Variants in CNTN1 observed in about 807,000 individuals in gnomAD.
CNTN1 encodes the protein contactin-1.
CNTN1 carries 38 observed loss-of-function variants against 126.4 expected under a neutral mutation model. That is an observed-to-expected ratio of 0.30 (90% CI 0.23 to 0.39). The LOEUF (loss-of-function observed/expected upper bound fraction) is 0.39, where lower values mean the gene tolerates loss of function less well. Among genes scored for constraint, CNTN1 ranks in the 10% least tolerant of loss-of-function variants. The pLI is 1.00. For missense variants in CNTN1, 1,009 were observed against 1,248.4 expected (o/e 0.81, Z 2.89); for synonymous variants, 413 against 422.6 (o/e 0.98, Z 0.28).
intron 23 of CNTN1, among the ~76,000 whole-genome samples, chr12:41,046,934 T>C (rs537005385): frequency 1.3e-4 from 20 of 151,254 alleles, no homozygotes; most frequent in African/African-American, 4.9e-4. Context: ...ACGGTTCATA[T>C]TGAAAACAAC....
At chr12:40,922,196 C>T in intron 4 of CNTN1, 60 bp from the exon 5 acceptor site, 1 of 1,432,812 alleles carries the variant, frequency 7.0e-7, no homozygotes, top group East Asian at 2.3e-5. Flanking sequence ...ACTGTGTTAG[C>T]TCCGTAGAGT....
chr12:40,827,073 CATCCTAGTATTTTTGCAA>C (rs1392742734), intron 1 of CNTN1, among the ~76,000 whole-genome samples: 3 of 152,124 alleles, frequency 2.0e-5, no homozygotes, highest in African/African-American at 7.2e-5. Context: ...ATGAATCTCC[CATCCTAGTATTTTTGCAA>C]ATACTGTTAC....
intron 1 of CNTN1, among the ~76,000 whole-genome samples, chr12:40,694,837 T>G (rs1941408824): frequency 6.6e-6 from 1 of 152,216 alleles, no homozygotes; most frequent in African/African-American, 2.4e-5. Context: ...AGGAATTTTA[T>G]AGCATTGAAA....
intron 1 of CNTN1, among the ~76,000 whole-genome samples, chr12:40,792,721 T>G (rs1940265964): frequency 6.6e-6 from 1 of 152,126 alleles, no homozygotes; most frequent in Admixed American, 6.6e-5. Context: ...TTTGTGGGTC[T>G]TTTTAGTTTT....
At chr12:40,858,456 C>T (rs140140836) in intron 1 of CNTN1, among the ~76,000 whole-genome samples, 1,880 of 152,180 alleles carry the variant, frequency 0.012, 42 homozygotes, top group African/African-American at 0.042. Flanking sequence ...TACCATCTCA[C>T]GCCAGTCAGA....
chr12:40,806,724 G>A (rs1584097), intron 1 of CNTN1, among the ~76,000 whole-genome samples: 81,071 of 151,476 alleles, frequency 0.54, 22,223 homozygotes, highest in East Asian at 0.76. Flanking sequence ...TAAAATTTTA[G>A]CTCATTAAGT....
In CNTN1 at chr12:40,697,856, A is replaced by G. The variant is rs559915239; in HGVS notation, c.-77+5264A>G. Among the ~76,000 whole-genome samples, 80 of 152,332 alleles carry G rather than the reference A, an allele frequency of 5.3e-4. 2 individuals are homozygous for G. In the South Asian group the frequency reaches 0.016, roughly 30 times the overall value. Reference sequence around the variant, plus strand: ...CTATTGTCCATTTTAAAAGAGCCACAGGGCAGAATGCACTATGGAAGATAT... The same window carrying G: ...CTATTGTCCATTTTAAAAGAGCCACGGGGCAGAATGCACTATGGAAGATAT... On this transcript the variant is annotated intron_variant, in intron 1 of 23. Transcript: ENST00000551295.
At chr12:40,961,297 T>G (rs1947099486) in intron 15 of CNTN1, among the ~76,000 whole-genome samples, 1 of 151,992 alleles carries the variant, frequency 6.6e-6, no homozygotes, top group South Asian at 2.1e-4. Context: ...CCATTTCATA[T>G]CAAAAGAAAT....
At chr12:40,926,684 G>A (rs1416997063) in intron 6 of CNTN1, among the ~76,000 whole-genome samples, 4 of 151,978 alleles carry the variant, frequency 2.6e-5, no homozygotes, top group Non-Finnish European at 5.9e-5. Context: ...AGTTTAGGTA[G>A]CATATGATGG....
chr12:40,789,315 C>T (rs1272118971), intron 1 of CNTN1, among the ~76,000 whole-genome samples: 1 of 152,120 alleles, frequency 6.6e-6, no homozygotes, highest in East Asian at 1.9e-4. Flanking sequence ...TTTTCTTGAA[C>T]ACTTGAAATA....
At position 41,004,842 on chromosome 12, in the gene CNTN1, T is replaced by G. The variant is rs558248550; in HGVS notation, c.2114-9386T>G. ...TGAGTGTCATTGCATGTGAGATGGA[T>G]CTCTTGAAGACAACATACCAATGGG... On this transcript the variant is annotated intron_variant, in intron 17 of 23. Transcript: ENST00000551295. Among the ~76,000 whole-genome samples, 5 of 152,340 alleles carry G rather than the reference T, an allele frequency of 3.3e-5. No homozygotes were observed. The East Asian group carries it at 9.6e-4, about 29-fold the overall frequency.
chr12:40,749,899 T>C (rs969814203), intron 1 of CNTN1, among the ~76,000 whole-genome samples: 2 of 152,044 alleles, frequency 1.3e-5, no homozygotes, highest in African/African-American at 4.8e-5. Context: ...TTCACTATTT[T>C]ACGTATGTGG....
intron 1 of CNTN1, among the ~76,000 whole-genome samples, chr12:40,753,358 A>AAT (rs1938475713): frequency 1.3e-5 from 2 of 152,234 alleles, no homozygotes; most frequent in South Asian, 4.1e-4. Flanking sequence ...TTATTCTCCT[A>AAT]TCTTATCATT....
At chr12:40,804,770 G>T (rs1306283223) in intron 1 of CNTN1, among the ~76,000 whole-genome samples, 1 of 151,898 alleles carries the variant, frequency 6.6e-6, no homozygotes, top group Admixed American at 6.6e-5. Context: ...TTTCTCTCCA[G>T]CATCACATTC....
chr12:40,985,451 TAA>T (rs1179464008), intron 16 of CNTN1, among the ~76,000 whole-genome samples: 2 of 152,162 alleles, frequency 1.3e-5, no homozygotes, highest in African/African-American at 4.8e-5. Context: ...AAAATGTCTT[TAA>T]TTTCATCTTT....
At chr12:40,728,732 A>T (rs1942420330) in intron 1 of CNTN1, 1 of 152,160 alleles carries the variant, frequency 6.6e-6, no homozygotes, top group Non-Finnish European at 1.5e-5. Flanking sequence ...AACAGAGATT[A>T]AAAAGTACAT....
intron 15 of CNTN1, 68 bp downstream of exon 15, chr12:40,959,302 T>C: frequency 6.6e-7 from 1 of 1,524,016 alleles, no homozygotes; most frequent in Non-Finnish European, 9.1e-7. Flanking sequence ...TGTATAATCT[T>C]CTGGTAACTC....
chr12:40,830,936 C>CATAT (rs10592424), intron 1 of CNTN1, among the ~76,000 whole-genome samples: 30 of 66,094 alleles, frequency 4.5e-4, no homozygotes, highest in South Asian at 1.2e-3. Context: ...TATACATATA[C>CATAT]ATATATATAT....
chr12:40,887,707 A>C (rs925226075), intron 1 of CNTN1, among the ~76,000 whole-genome samples: 1 of 152,010 alleles, frequency 6.6e-6, no homozygotes, highest in South Asian at 2.1e-4. Context: ...ATAAAGACAC[A>C]TGCACACGTA....
Sources: gnomAD v4.1 joint callset for allele counts (sites outside exome capture counted in the v4.1 genomes callset) on GRCh38, gnomAD v4.1.1 for gene constraint, MANE v1.5 for transcripts, NCBI Gene and HGNC (gene_info 2026-07-23, HGNC 2026-07-21) for gene names.